Variants in EYA4 observed in about 807,000 individuals in gnomAD.
EYA4 encodes the protein EYA transcriptional coactivator and phosphatase 4, also known as protein phosphatase EYA4.
A neutral mutation model predicts 87.9 loss-of-function variants in EYA4; 31 were observed. That is an observed-to-expected ratio of 0.35 (90% confidence interval 0.27 to 0.48). The LOEUF (loss-of-function observed/expected upper bound fraction) is 0.48. Among genes scored for constraint, EYA4 ranks in the 20% least tolerant of loss-of-function variants. The pLI is 0.99. For missense variants in EYA4, 678 were observed against 761.4 expected (o/e 0.89, Z 1.29); for synonymous variants, 263 against 270.6 (o/e 0.97, Z 0.28).
chr6:133,511,476 TA>T (rs1799131793), intron 14 of EYA4, among the ~76,000 whole-genome samples: 2 of 143,188 alleles, frequency 1.4e-5, no homozygotes, highest in African/African-American at 5.9e-5. Flanking sequence ...ATAAATAATT[TA>T]TTTTTATTTA....
intron 5 of EYA4, among the ~76,000 whole-genome samples, chr6:133,456,051 T>C (rs1022756211): frequency 1.1e-4 from 16 of 152,192 alleles, no homozygotes; most frequent in Non-Finnish European, 2.1e-4. Context: ...CTCGTGAGTC[T>C]TTTTTAGAGC....
chr6:133,514,625 T>C (rs1251265680), intron 16 of EYA4, among the ~76,000 whole-genome samples: 1 of 152,210 alleles, frequency 6.6e-6, no homozygotes, highest in African/African-American at 2.4e-5. Flanking sequence ...TCCTTTTTAA[T>C]GGATTTACAT....
chr6:133,315,374 C>T (rs1402999837), intron 2 of EYA4, among the ~76,000 whole-genome samples: 1 of 152,010 alleles, frequency 6.6e-6, no homozygotes, highest in Non-Finnish European at 1.5e-5. Flanking sequence ...ATTTCAACCT[C>T]AAGGTGAAAT....
chr6:133,395,403 C>T (rs116826105), intron 3 of EYA4, among the ~76,000 whole-genome samples: 1,544 of 152,122 alleles, frequency 0.01, 33 homozygotes, highest in African/African-American at 0.035. Context: ...CTACACTAGT[C>T]GCACTACCGT....
intron 2 of EYA4, among the ~76,000 whole-genome samples, chr6:133,291,068 C>A (rs1255204160): frequency 6.6e-6 from 1 of 152,144 alleles, no homozygotes; most frequent in Non-Finnish European, 1.5e-5. Flanking sequence ...TTATTATTTA[C>A]TGCTCAATCA....
chr6:133,257,572 A>G (rs1362279735), intron 1 of EYA4, among the ~76,000 whole-genome samples: 1 of 152,188 alleles, frequency 6.6e-6, no homozygotes, highest in African/African-American at 2.4e-5. Flanking sequence ...TATTTTGCCT[A>G]TTAATCAGGG....
At chr6:133,485,129 T>C (rs1796576353) in intron 13 of EYA4, among the ~76,000 whole-genome samples, 1 of 152,220 alleles carries the variant, frequency 6.6e-6, no homozygotes, top group African/African-American at 2.4e-5. Flanking sequence ...TCAACTTCTC[T>C]CAGCACTGCT....
chr6:133,527,702 C>A (rs1356658377), intron 19 of EYA4, among the ~76,000 whole-genome samples: 3 of 152,146 alleles, frequency 2.0e-5, no homozygotes, highest in Admixed American at 2.0e-4. Context: ...CCATAGTGTG[C>A]AGCAAGGAAT....
At chr6:133,429,702 A>T (rs3777853) in intron 3 of EYA4, among the ~76,000 whole-genome samples, 9,027 of 152,290 alleles carry the variant, frequency 0.059, 468 homozygotes, top group East Asian at 0.23. Context: ...GTGATTTCTA[A>T]CTGGGCTCTG....
At chr6:133,330,809 C>T (rs1781880695) in intron 2 of EYA4, among the ~76,000 whole-genome samples, 1 of 151,850 alleles carries the variant, frequency 6.6e-6, no homozygotes, top group Non-Finnish European at 1.5e-5. Flanking sequence ...TCTTATGTTG[C>T]TATATCAGGA....
At chr6:133,385,648 G>A (rs1786686896) in intron 3 of EYA4, among the ~76,000 whole-genome samples, 1 of 152,090 alleles carries the variant, frequency 6.6e-6, no homozygotes, top group Non-Finnish European at 1.5e-5. Context: ...TTTATAGTAT[G>A]TTGGTTTTGG....
At chr6:133,351,900 A>G (rs752577123) in intron 2 of EYA4, among the ~76,000 whole-genome samples, 25 of 152,132 alleles carry the variant, frequency 1.6e-4, no homozygotes, top group Middle Eastern at 6.8e-3. Flanking sequence ...GTTCACCTAT[A>G]CCTTCTTCCC....
intron 1 of EYA4, among the ~76,000 whole-genome samples, chr6:133,266,826 G>T (rs1776262067): frequency 1.3e-5 from 2 of 151,954 alleles, no homozygotes; most frequent in South Asian, 4.2e-4. Context: ...ATTTGAGAAA[G>T]AATTTTAAAA....
rs900959456 is a variant in EYA4, at chr6:133,529,021, T to C, written c.*216T>C. 56 of 1,338,892 alleles carry C rather than the reference T, an allele frequency of 4.2e-5. No individual in the cohort carries two copies. The highest frequency in any genetic ancestry group is 4.6e-5 in the Non-Finnish European group (48 of 1,040,638). The allele number at this position is 1,338,892 out of a possible 1,614,324, so 82.9% of individuals were successfully genotyped here. ...CTATGGTCTTATATTTACAACACTT[T>C]AATGGGTTTTTTAAAAATCTGTGGA... On this transcript the variant is annotated 3_prime_UTR_variant, in exon 20 of 20. Coordinates refer to ENST00000355286, the MANE Select transcript of EYA4 (RefSeq NM_004100.5).
intron 2 of EYA4, among the ~76,000 whole-genome samples, chr6:133,280,510 C>T (rs1486949975): frequency 6.6e-6 from 1 of 152,072 alleles, no homozygotes; most frequent in East Asian, 1.9e-4. Context: ...GATTCTCCTG[C>T]CTCAGCCTCC....
At chr6:133,251,814 C>T (rs1369957288) in intron 1 of EYA4, among the ~76,000 whole-genome samples, 2 of 152,168 alleles carry the variant, frequency 1.3e-5, no homozygotes. Flanking sequence ...ATCTTAATAT[C>T]ATTTGATATA....
At chr6:133,525,854 A>T in intron 19 of EYA4, 1 of 966,870 alleles carries the variant, frequency 1.0e-6, no homozygotes, top group Non-Finnish European at 1.2e-6. Context: ...TGCTACTGAA[A>T]TGGGATGTAT....
At chr6:133,463,089 C>G (rs1794539724) in intron 9 of EYA4, among the ~76,000 whole-genome samples, 1 of 152,118 alleles carries the variant, frequency 6.6e-6, no homozygotes. Context: ...AGATCTGTAG[C>G]ACAAACCAGT....
chr6:133,378,202 G>A (rs1420054976), intron 2 of EYA4, among the ~76,000 whole-genome samples: 1 of 152,086 alleles, frequency 6.6e-6, no homozygotes, highest in Non-Finnish European at 1.5e-5. Context: ...TGTAGCATAG[G>A]AGAGAATGAA....
Sources: allele counts gnomAD v4.1 joint callset (sites outside exome capture counted in the v4.1 genomes callset), GRCh38; gene constraint gnomAD v4.1.1; transcripts MANE v1.5; gene names NCBI Gene and HGNC (gene_info 2026-07-23, HGNC 2026-07-21).